The following ANKRD44 variants were observed in gnomAD, a reference collection of about 807,000 sequenced individuals.
The protein encoded by ANKRD44 is serine/threonine-protein phosphatase 6 regulatory ankyrin repeat subunit B.
In ANKRD44, 35 loss-of-function variants were observed where a neutral mutation model predicts 116.0. That is an observed-to-expected ratio of 0.30 (90% CI 0.23 to 0.40). The LOEUF (loss-of-function observed/expected upper bound fraction) is 0.40. Ranked by LOEUF, ANKRD44 falls within the 10% of genes least tolerant of loss-of-function variation. The pLI is 1.00. For missense variants in ANKRD44, 1,014 were observed against 1,242.6 expected, an observed-to-expected ratio of 0.82 and a Z score of 2.77; for synonymous variants, 435 against 461.8, an observed-to-expected ratio of 0.94 and a Z score of 0.74.
At chr2:197,050,393 T>C (rs1440231919) in intron 16 of ANKRD44, among the ~76,000 whole-genome samples, 5 of 152,092 alleles carry the variant, frequency 3.3e-5, no homozygotes, top group Non-Finnish European at 5.9e-5. Context: ...TTCTTCCCTA[T>C]TTCAAATTCA....
intron 16 of ANKRD44, among the ~76,000 whole-genome samples, chr2:197,072,297 A>C (rs1456783831): frequency 6.6e-6 from 1 of 152,062 alleles, no homozygotes; most frequent in Non-Finnish European, 1.5e-5. Flanking sequence ...CTCCCTATCC[A>C]TCTGGAAGAA....
chr2:197,151,346 G>A (rs923483364), intron 2 of ANKRD44, among the ~76,000 whole-genome samples: 5 of 152,172 alleles, frequency 3.3e-5, no homozygotes, highest in African/African-American at 1.2e-4. Flanking sequence ...GCAAGAATTT[G>A]AGATCACAGA....
At chr2:197,099,618 C>T in intron 10 of ANKRD44, 198 bp downstream of exon 10, 1 of 1,281,420 alleles carries the variant, frequency 7.8e-7, no homozygotes. Flanking sequence ...TTGGATGAAG[C>T]TAAAAAATAA....
At chr2:197,094,623 A>G (rs1013766337) in intron 10 of ANKRD44, among the ~76,000 whole-genome samples, 4 of 152,230 alleles carry the variant, frequency 2.6e-5, no homozygotes, top group Admixed American at 1.3e-4. Flanking sequence ...TTACCTCACA[A>G]GTGTCCCAGC....
chr2:197,103,251 G>T (rs1176213821), intron 9 of ANKRD44, among the ~76,000 whole-genome samples: 8 of 150,858 alleles, frequency 5.3e-5, no homozygotes, highest in African/African-American at 2.0e-4. Context: ...AAAAAAATTG[G>T]GGGAGGAATG....
intron 9 of ANKRD44, among the ~76,000 whole-genome samples, chr2:197,109,648 A>G (rs1171397814): frequency 6.6e-6 from 1 of 152,238 alleles, no homozygotes; most frequent in African/African-American, 2.4e-5. Context: ...TGAGAAAAAT[A>G]CAGGTCCAAG....
rs1415120444 is a variant in ANKRD44 at position 197,145,161 on chromosome 2, C to T, written c.190+1866G>A. Among the ~76,000 whole-genome samples the T allele has an allele frequency of 1.1e-4, 17 of 152,140 alleles. No homozygotes were observed. In the South Asian group the frequency reaches 2.7e-3, roughly 24 times the overall value. On this transcript the variant is annotated intron_variant, in intron 3 of 27. Coordinates refer to ENST00000282272, the MANE Select transcript of ANKRD44 (RefSeq NM_001195144.2). ...AAAAAATTAGCCAGGCGTGGTGGCA[C>T]GCGCCTGTGGTCCCAGCTACTCGGA...
At position 196,988,407 on chromosome 2, in the gene ANKRD44, T is replaced by C; in HGVS notation, c.*1184A>G. 1 of 985,322 alleles carries C rather than the reference T, an allele frequency of 1.0e-6. No homozygotes were observed. The highest frequency in any genetic ancestry group is 1.2e-6 in the Non-Finnish European group (1 of 829,890). 61.0% of individuals were successfully genotyped at this position (985,322 alleles called of 1,614,324 possible). A position where few individuals can be genotyped will look rare whatever the true frequency, so the allele number is the denominator to read the frequency against. On this transcript the variant is annotated 3_prime_UTR_variant, in exon 28 of 28. Transcript: ENST00000282272. The stretch of plus-strand genomic sequence containing the variant: ...CTAAACAAACGAAAAGGACAGAAGG[T>C]GGGAAGCACAACACCAAGAATTCAA...
chr2:197,003,153 C>CAA (rs112739121), intron 21 of ANKRD44, among the ~76,000 whole-genome samples: 12 of 139,118 alleles, frequency 8.6e-5, no homozygotes, highest in African/African-American at 2.9e-4. Flanking sequence ...CTAAAAATAC[C>CAA]AAAAAAAAAA....
Position 197,086,859 on chromosome 2 carries a change from G to C in ANKRD44, c.1248-111C>G, listed in dbSNP as rs547171753. The C allele has an allele frequency of 5.4e-6, 5 of 917,820 alleles. No homozygotes were observed. The Admixed American group carries it at 1.3e-4, about 23-fold the overall frequency. The allele number at this position is 917,820 out of a possible 1,614,324, so 56.9% of individuals were successfully genotyped here. ...GGACCAGATGAAAAGATAGCTCCTG[G>C]TCTAAATTCCGCTAATAAAAACCTG... On this transcript the variant is annotated intron_variant, in intron 12 of 27. Transcript: ENST00000282272.
chr2:197,300,332 C>T (rs1366453623), intron 1 of ANKRD44, among the ~76,000 whole-genome samples: 6 of 152,190 alleles, frequency 3.9e-5, no homozygotes, highest in Non-Finnish European at 1.5e-5. Flanking sequence ...GAAAGGGACA[C>T]AACACGTCAC....
intron 16 of ANKRD44, among the ~76,000 whole-genome samples, chr2:197,026,660 C>G (rs529585488): frequency 5.3e-5 from 8 of 152,112 alleles, no homozygotes; most frequent in African/African-American, 1.9e-4. Flanking sequence ...ACTTTTATCC[C>G]AAGTGAGGTG....
At chr2:197,039,056 C>T (rs899790599) in intron 16 of ANKRD44, among the ~76,000 whole-genome samples, 1 of 151,992 alleles carries the variant, frequency 6.6e-6, no homozygotes, top group Non-Finnish European at 1.5e-5. Context: ...TTTTCCCAAG[C>T]AAAATAAAAA....
chr2:196,999,293 T>C (rs1462224442), intron 23 of ANKRD44, among the ~76,000 whole-genome samples: 2 of 152,194 alleles, frequency 1.3e-5, no homozygotes, highest in Admixed American at 1.3e-4. Flanking sequence ...ATGAAATTAG[T>C]GTCTTTACTG....
chr2:197,013,844 G>T (rs763877623), intron 17 of ANKRD44, 132 bp from the exon 18 acceptor site: 39 of 837,016 alleles, frequency 4.7e-5, no homozygotes, highest in Non-Finnish European at 7.2e-5. Context: ...AAAACACTTG[G>T]AATATTTATT....
At chr2:197,248,970 G>A (rs1471537509) in intron 1 of ANKRD44, among the ~76,000 whole-genome samples, 3 of 152,158 alleles carry the variant, frequency 2.0e-5, no homozygotes, top group Non-Finnish European at 4.4e-5. Context: ...GCTGATCTTG[G>A]TTATGAAAAT....
intron 2 of ANKRD44, among the ~76,000 whole-genome samples, chr2:197,171,771 G>C (rs1014157196): frequency 6.6e-6 from 1 of 152,142 alleles, no homozygotes. Context: ...GTTAATAGCG[G>C]GAGGAAGCCA....
At chr2:197,123,618 G>C (rs552516459) in intron 6 of ANKRD44, among the ~76,000 whole-genome samples, 2 of 152,156 alleles carry the variant, frequency 1.3e-5, no homozygotes, top group African/African-American at 4.8e-5. Context: ...GCAACAGAGC[G>C]AGACCTTGTC....
At chr2:197,040,275 C>T (rs369647668) in intron 16 of ANKRD44, among the ~76,000 whole-genome samples, 173 of 152,044 alleles carry the variant, frequency 1.1e-3, no homozygotes, top group African/African-American at 4.0e-3. Context: ...AAAAAACAGG[C>T]CCACCCAAAA....
Sources: gnomAD v4.1 joint callset for allele counts (sites outside exome capture counted in the v4.1 genomes callset) on GRCh38, gnomAD v4.1.1 for gene constraint, MANE v1.5 for transcripts, NCBI Gene and HGNC (gene_info 2026-07-23, HGNC 2026-07-21) for gene names.